The following STK32B variants were observed in gnomAD, a reference collection of about 807,000 sequenced individuals.
STK32B encodes serine/threonine kinase 32B.
STK32B carries 43 observed loss-of-function variants against 52.6 expected under a neutral mutation model. That is an observed-to-expected ratio of 0.82 (90% CI 0.64 to 1.05). The LOEUF (loss-of-function observed/expected upper bound fraction) is 1.05. Among genes scored for constraint, STK32B ranks in the 50% least tolerant of loss-of-function variants. The probability of loss-of-function intolerance (pLI) is 0.00; values close to 1 mark genes in which losing one functional copy is unlikely to be tolerated. For missense variants in STK32B, 621 were observed against 534.6 expected (o/e 1.16, Z -1.59); for synonymous variants, 238 against 204.3 (o/e 1.17, Z -1.41).
chr4:5,430,837 A>G (rs533518131), intron 6 of STK32B, among the ~76,000 whole-genome samples: 1 of 152,272 alleles, frequency 6.6e-6, no homozygotes, highest in Admixed American at 6.5e-5. Flanking sequence ...GTTTTCCTCA[A>G]TGTTCCTGTT....
chr4:5,197,527 TTA>T (rs1305343219), intron 3 of STK32B, among the ~76,000 whole-genome samples: 1 of 152,216 alleles, frequency 6.6e-6, no homozygotes, highest in African/African-American at 2.4e-5. Flanking sequence ...TCTTTTTCAT[TTA>T]TTTGCTTAGT....
chr4:5,059,052 C>CTGTTTTTTTTTTT (rs1742117573), intron 1 of STK32B, among the ~76,000 whole-genome samples: 1 of 86,894 alleles, frequency 1.2e-5, no homozygotes, highest in Admixed American at 1.5e-4. Context: ...CGCCCAGCTG[C>CTGTTTTTTTTTTT]TTTTTTTTTT....
intron 3 of STK32B, among the ~76,000 whole-genome samples, chr4:5,268,540 T>TGTG (rs1225235349): frequency 6.9e-4 from 5 of 7,256 alleles, no homozygotes; most frequent in Non-Finnish European, 1.0e-3. Context: ...CTTGGTGTGG[T>TGTG]GTGTGTGTGT....
Position 5,120,675 on chromosome 4 carries a change from G to A in STK32B, c.53-19230G>A, listed in dbSNP as rs111326790. On this transcript the variant is annotated intron_variant, in intron 1 of 11. Transcript: ENST00000282908. ...TGAATGTAATGTTTAGAGATGATAT[G>A]TGTAGTCATGAGAATTTTTGAGATT... Among the ~76,000 whole-genome samples, 628 of 152,192 alleles carry A rather than the reference G, an allele frequency of 4.1e-3. 5 individuals carry two copies. The highest frequency in any genetic ancestry group is 0.015 in the African/African-American group (606 of 41,546).
chr4:5,417,505 A>G (rs1279958182), intron 6 of STK32B, among the ~76,000 whole-genome samples: 1 of 151,876 alleles, frequency 6.6e-6, no homozygotes, highest in Non-Finnish European at 1.5e-5. Context: ...AAATGTTCTC[A>G]TTGTTATATT....
rs984326597 is a variant in STK32B at position 5,452,699 on chromosome 4, C to T, written c.667-4108C>T. The stretch of plus-strand genomic sequence containing the variant: ...ATTGGATTAGATGGTCTCCAAGGCC[C>T]AGCTCAACTTTAACAGTGAAAATGA... On this transcript the variant is annotated intron_variant, in intron 7 of 11. Transcript: ENST00000282908. Among the ~76,000 whole-genome samples the T allele has an allele frequency of 6.6e-5, 10 of 152,242 alleles. No homozygotes were observed. In the East Asian group the frequency reaches 1.5e-3, roughly 24 times the overall value.
the STK32B span, among the ~76,000 whole-genome samples, chr4:5,032,326 A>C: frequency 1.3e-5 from 2 of 151,898 alleles, no homozygotes; most frequent in African/African-American, 4.8e-5. Flanking sequence ...TACAAAAATT[A>C]GCCGGGCGTG....
At chr4:5,419,134 G>C (rs899975723) in intron 6 of STK32B, among the ~76,000 whole-genome samples, 7 of 152,180 alleles carry the variant, frequency 4.6e-5, no homozygotes, top group Admixed American at 1.3e-4. Flanking sequence ...CAAGAGAGAG[G>C]GGTAGAAATT....
intron 3 of STK32B, among the ~76,000 whole-genome samples, chr4:5,280,239 CTCTAGGGCAGGG>C (rs1480665732): frequency 1.3e-5 from 2 of 152,124 alleles, no homozygotes; most frequent in African/African-American, 4.8e-5. Flanking sequence ...TTCCACAAAT[CTCTAGGGCAGGG>C]CACAATGCTA....
chr4:5,438,875 A>C (rs1012070252), intron 6 of STK32B, among the ~76,000 whole-genome samples: 2 of 151,842 alleles, frequency 1.3e-5, no homozygotes, highest in African/African-American at 2.4e-5. Context: ...TTCTTGGGAT[A>C]ATTTACTGAG....
At chr4:5,187,696 A>G (rs1720857982) in intron 3 of STK32B, among the ~76,000 whole-genome samples, 1 of 152,332 alleles carries the variant, frequency 6.6e-6, no homozygotes, top group African/African-American at 2.4e-5. Flanking sequence ...TTTCAAACTA[A>G]CAATATGGTG....
In STK32B at chr4:5,189,924, G is replaced by A. The variant is rs753234144; in HGVS notation, c.260+21474G>A. ...CTGCATTTTTACCACTCTATTCCCA[G>A]CATTCAGAACCATGGCTGGCATCTA... is the stretch of plus-strand genomic sequence containing the variant. On this transcript the variant is annotated intron_variant, in intron 3 of 11. Coordinates refer to ENST00000282908, the MANE Select transcript of STK32B (RefSeq NM_018401.3). 2.7e-4 allele frequency among the ~76,000 whole-genome samples: 41 copies of A among 152,100 alleles called. 1 individual carries two copies. Among genetic ancestry groups the A allele is most frequent in the Non-Finnish European group, 4.9e-4 (33 of 68,026 alleles).
intron 3 of STK32B, among the ~76,000 whole-genome samples, chr4:5,291,885 T>C (rs1728913357): frequency 6.6e-6 from 1 of 152,116 alleles, no homozygotes. Context: ...ATTCTGGGGA[T>C]ACGTGTGCAG....
In STK32B at chr4:5,242,886, G is replaced by A. The variant is rs1430777223; in HGVS notation, c.260+74436G>A. On this transcript the variant is annotated intron_variant, in intron 3 of 11. Coordinates refer to ENST00000282908, the MANE Select transcript of STK32B (RefSeq NM_018401.3). ...CAGGTTTGTCAAAGATCAGATGGTTGTAGGTATGCGGCATTATTTCTGAGG... is the reference window on the plus strand; with the variant it reads ...CAGGTTTGTCAAAGATCAGATGGTTATAGGTATGCGGCATTATTTCTGAGG... Among the ~76,000 whole-genome samples, 10 of 152,166 alleles carry A rather than the reference G, an allele frequency of 6.6e-5. No individual in the cohort carries two copies. The East Asian group carries it at 1.5e-3, about 23-fold the overall frequency.
chr4:5,458,164 C>G (rs779903015), intron 8 of STK32B, among the ~76,000 whole-genome samples: 46 of 152,306 alleles, frequency 3.0e-4, no homozygotes, highest in Non-Finnish European at 5.7e-4. Flanking sequence ...CTGTCTGTGT[C>G]TCCATGAGCT....
intron 4 of STK32B, among the ~76,000 whole-genome samples, chr4:5,375,291 A>G (rs939074853): frequency 6.6e-6 from 1 of 152,034 alleles, no homozygotes; most frequent in Admixed American, 6.6e-5. Context: ...ATGCCTGTAC[A>G]CAGCCTGCTC....
chr4:5,262,855 C>CT (rs903598977), intron 3 of STK32B, among the ~76,000 whole-genome samples: 2 of 151,972 alleles, frequency 1.3e-5, no homozygotes, highest in South Asian at 2.1e-4. Flanking sequence ...ATACTCATTG[C>CT]TTTTTTGCTA....
At chr4:5,421,704 G>A (rs1167452634) in intron 6 of STK32B, among the ~76,000 whole-genome samples, 1 of 152,224 alleles carries the variant, frequency 6.6e-6, no homozygotes, top group East Asian at 1.9e-4. Context: ...GAGCCATGGG[G>A]ACCCAGCTGG....
intron 4 of STK32B, among the ~76,000 whole-genome samples, chr4:5,372,902 C>T (rs1735344472): frequency 6.6e-6 from 1 of 152,180 alleles, no homozygotes; most frequent in Non-Finnish European, 1.5e-5. Context: ...GGTTGAGCCT[C>T]TTCAGGACAT....
Sources: allele counts gnomAD v4.1 joint callset (sites outside exome capture counted in the v4.1 genomes callset), GRCh38; gene constraint gnomAD v4.1.1; transcripts MANE v1.5; gene names NCBI Gene and HGNC (gene_info 2026-07-23, HGNC 2026-07-21).